ARHGAP6: variants seen among roughly 807,000 people sequenced by gnomAD.
ARHGAP6 encodes Rho GTPase activating protein 6.
ARHGAP6 carries 16 observed loss-of-function variants against 55.7 expected under a neutral mutation model. That is an observed-to-expected ratio of 0.29 (90% CI 0.19 to 0.44). The LOEUF is 0.44. Ranked by LOEUF, ARHGAP6 falls within the 20% of genes least tolerant of loss-of-function variation. The probability of loss-of-function intolerance (pLI) is 1.00; values close to 1 mark genes in which losing one functional copy is unlikely to be tolerated. For synonymous variants in ARHGAP6, 382 were observed against 360.9 expected (o/e 1.06, Z -0.66); for missense variants, 698 against 808.9 (o/e 0.86, Z 1.66).
intron 1 of ARHGAP6, among the ~76,000 whole-genome samples, chrX:11,279,627 G>C (rs1170783017): frequency 9.3e-6 from 1 of 107,876 alleles, no homozygotes; most frequent in Non-Finnish European, 1.9e-5. Flanking sequence ...CCTTTTTCCA[G>C]GATACACAAT....
intron 1 of ARHGAP6, among the ~76,000 whole-genome samples, chrX:11,460,696 T>C (rs969923605): frequency 2.0e-4 from 22 of 111,847 alleles, no homozygotes; most frequent in African/African-American, 5.9e-4. Context: ...TGGACCTAAT[T>C]ATATTTAAGT....
chrX:11,428,670 C>T (rs5935061), intron 1 of ARHGAP6, among the ~76,000 whole-genome samples: 13 of 111,387 alleles, frequency 1.2e-4, no homozygotes, highest in Admixed American at 4.7e-4. Flanking sequence ...TGTACTGAAC[C>T]GGCTGAATGA....
At chrX:11,255,527 G>A (rs2047483737) in intron 1 of ARHGAP6, among the ~76,000 whole-genome samples, 1 of 110,924 alleles carries the variant, frequency 9.0e-6, no homozygotes, top group Non-Finnish European at 1.9e-5. Flanking sequence ...TCTTGAGGAG[G>A]TTAAGTAATT....
At chrX:11,646,244 C>G (rs1339021521) in intron 1 of ARHGAP6, among the ~76,000 whole-genome samples, 2 of 111,412 alleles carry the variant, frequency 1.8e-5, no homozygotes, top group Non-Finnish European at 3.8e-5. Context: ...ATGTAATACC[C>G]ATGGGTATTA....
intron 1 of ARHGAP6, among the ~76,000 whole-genome samples, chrX:11,349,098 TG>T (rs1698301853): frequency 9.2e-6 from 1 of 109,229 alleles, no homozygotes; most frequent in African/African-American, 3.3e-5. Context: ...AAAGGGTGGA[TG>T]GGAAGATATC....
At chrX:11,522,860 A>G (rs1485275906) in intron 1 of ARHGAP6, among the ~76,000 whole-genome samples, 4 of 112,070 alleles carry the variant, frequency 3.6e-5, no homozygotes, top group Non-Finnish European at 5.6e-5. Flanking sequence ...ATAGAAAAAC[A>G]GGGAATCCTC....
intron 1 of ARHGAP6, among the ~76,000 whole-genome samples, chrX:11,415,730 C>T (rs1230756497): frequency 8.9e-6 from 1 of 111,756 alleles, no homozygotes; most frequent in Admixed American, 9.5e-5. Context: ...TCAGTTGATC[C>T]CACTTGCCAT....
rs1329868649 is a variant in ARHGAP6 at position 11,664,643 on chromosome X, C to G, written c.186G>C (p.Ala62=). The change falls in exon 1 of 13, where the codon GCG becomes GCC. Residue 62 remains alanine (A), a synonymous_variant. Transcript: ENST00000337414. ...GGAGTGATGGGGAGTAGAGGCGGCC[C>G]GCCGTGGCTCCCCGCGCACTGCCCT... is the stretch of plus-strand genomic sequence containing the variant. ...GAEGSARGAT[A]GRLYSPSLPA... The G allele has an allele frequency of 4.3e-6, 5 of 1,158,566 alleles. No individual in the cohort carries two copies. The highest frequency in any genetic ancestry group is 5.7e-6 in the Non-Finnish European group (5 of 869,728).
At chrX:11,656,067 A>G (rs2052633621) in intron 1 of ARHGAP6, among the ~76,000 whole-genome samples, 2 of 112,479 alleles carry the variant, frequency 1.8e-5, no homozygotes, top group South Asian at 7.4e-4. Flanking sequence ...ATATGGGACC[A>G]AGTTATCAAA....
chrX:11,559,736 G>A (rs1312247095), intron 1 of ARHGAP6, among the ~76,000 whole-genome samples: 1 of 109,531 alleles, frequency 9.1e-6, no homozygotes, highest in African/African-American at 3.3e-5. Flanking sequence ...GACCATCCCG[G>A]CTAACACGGT....
At chrX:11,455,231 C>T (rs181509439) in intron 1 of ARHGAP6, among the ~76,000 whole-genome samples, 268 of 112,586 alleles carry the variant, frequency 2.4e-3, no homozygotes, top group Non-Finnish European at 4.1e-3. Flanking sequence ...TGAATCCAAA[C>T]TCTAAAGTAC....
At chrX:11,339,584 T>A (rs1241459384) in intron 1 of ARHGAP6, among the ~76,000 whole-genome samples, 4 of 111,142 alleles carry the variant, frequency 3.6e-5, no homozygotes, top group African/African-American at 1.3e-4. Context: ...AATAAATTGT[T>A]AATAATACAG....
chrX:11,553,140 C>G (rs1391370267), intron 1 of ARHGAP6, among the ~76,000 whole-genome samples: 1 of 111,477 alleles, frequency 9.0e-6, no homozygotes, highest in Non-Finnish European at 1.9e-5. Flanking sequence ...TAATAATTAG[C>G]TGAGAATATA....
chrX:11,179,221 C>T, intron 7 of ARHGAP6, 81 bp downstream of exon 7: 1 of 948,310 alleles, frequency 1.1e-6, no homozygotes, highest in Non-Finnish European at 1.4e-6. Context: ...TATCAGGAAA[C>T]ATATGCATAA....
chrX:11,228,513 A>G (rs1400632893), intron 2 of ARHGAP6, among the ~76,000 whole-genome samples: 6 of 111,800 alleles, frequency 5.4e-5, no homozygotes, highest in Non-Finnish European at 1.1e-4. Context: ...AGTATTGAGG[A>G]CTTGGAAGAG....
chrX:11,549,570 G>A (rs1342978658), intron 1 of ARHGAP6, among the ~76,000 whole-genome samples: 1 of 112,036 alleles, frequency 8.9e-6, no homozygotes, highest in African/African-American at 3.2e-5. Flanking sequence ...AGTCTGTAAT[G>A]TGCACACAAA....
At chrX:11,620,858 A>G (rs753257529) in intron 1 of ARHGAP6, among the ~76,000 whole-genome samples, 1 of 112,268 alleles carries the variant, frequency 8.9e-6, no homozygotes, top group South Asian at 3.7e-4. Context: ...TCTACACAAC[A>G]AAGAATCATC....
intron 1 of ARHGAP6, among the ~76,000 whole-genome samples, chrX:11,274,821 C>T (rs2047737391): frequency 9.0e-6 from 1 of 111,066 alleles, no homozygotes; most frequent in African/African-American, 3.3e-5. Flanking sequence ...GTGTTGCTCC[C>T]CTTCCTGTGT....
chrX:11,488,748 T>C (rs2050536281), intron 1 of ARHGAP6, among the ~76,000 whole-genome samples: 1 of 111,420 alleles, frequency 9.0e-6, no homozygotes, highest in Non-Finnish European at 1.9e-5. Flanking sequence ...CTAGGTTGCA[T>C]ACTCCTTATA....
Sources: gnomAD v4.1 joint callset for allele counts (sites outside exome capture counted in the v4.1 genomes callset) on GRCh38, gnomAD v4.1.1 for gene constraint, MANE v1.5 for transcripts, NCBI Gene and HGNC (gene_info 2026-07-23, HGNC 2026-07-21) for gene names.